Variants in CBFA2T2 observed in about 807,000 individuals in gnomAD.
The protein encoded by CBFA2T2 is protein CBFA2T2.
Under a neutral mutation model 62.2 loss-of-function variants are expected in CBFA2T2, and 11 were observed. The ratio of observed to expected loss-of-function variants is 0.18; its 90% CI spans 0.11 to 0.29. The LOEUF is 0.29. CBFA2T2 is among the 10% of genes least tolerant of loss of function. CBFA2T2 has a pLI of 1.00. For synonymous variants in CBFA2T2, 295 were observed against 287.5 expected (o/e 1.03, Z -0.27); for missense variants, 592 against 774.1 (o/e 0.76, Z 2.79).
At chr20:33,528,485 G>A (rs1299464619) in intron 1 of CBFA2T2, among the ~76,000 whole-genome samples, 1 of 152,140 alleles carries the variant, frequency 6.6e-6, no homozygotes, top group Non-Finnish European at 1.5e-5. Flanking sequence ...ATTGTTTGGT[G>A]GGCTATTTTT....
At chr20:33,533,924 G>A (rs1362322636) in intron 1 of CBFA2T2, among the ~76,000 whole-genome samples, 1 of 152,116 alleles carries the variant, frequency 6.6e-6, no homozygotes, top group Admixed American at 6.6e-5. Context: ...GCATTGAGCC[G>A]AGGTTTCAGT....
chr20:33,568,274 A>G (rs1431352225), intron 1 of CBFA2T2, among the ~76,000 whole-genome samples: 3 of 152,196 alleles, frequency 2.0e-5, no homozygotes, highest in Non-Finnish European at 4.4e-5. Context: ...CCCCAAAAAC[A>G]TTGAAGTCAC....
At chr20:33,502,792 A>G (rs994873050) in intron 1 of CBFA2T2, among the ~76,000 whole-genome samples, 3 of 149,466 alleles carry the variant, frequency 2.0e-5, no homozygotes, top group Admixed American at 6.7e-5. Context: ...AAAATTATTT[A>G]GAAATCAAGA....
At chr20:33,593,063 G>T (rs2014731294) in intron 1 of CBFA2T2, among the ~76,000 whole-genome samples, 1 of 152,150 alleles carries the variant, frequency 6.6e-6, no homozygotes, top group African/African-American at 2.4e-5. Flanking sequence ...AGGCACCCTG[G>T]CTCATGCCTG....
chr20:33,605,921 C>A (rs1203540276), intron 1 of CBFA2T2, among the ~76,000 whole-genome samples: 1 of 151,832 alleles, frequency 6.6e-6, no homozygotes, highest in Non-Finnish European at 1.5e-5. Flanking sequence ...CAGGTTCAAG[C>A]GATTCTCTTG....
chr20:33,568,791 A>T (rs988649290), intron 1 of CBFA2T2, among the ~76,000 whole-genome samples: 8 of 152,148 alleles, frequency 5.3e-5, no homozygotes, highest in African/African-American at 1.9e-4. Context: ...CTATGCAAAG[A>T]AGTAGTAGCC....
intron 1 of CBFA2T2, among the ~76,000 whole-genome samples, chr20:33,509,592 C>G (rs1424991866): frequency 1.3e-5 from 2 of 152,066 alleles, no homozygotes; most frequent in African/African-American, 4.8e-5. Flanking sequence ...ATTTGGGAGG[C>G]CGAGGTGGGT....
At chr20:33,578,714 A>C (rs1011036246) in intron 1 of CBFA2T2, among the ~76,000 whole-genome samples, 1 of 152,234 alleles carries the variant, frequency 6.6e-6, no homozygotes, top group Non-Finnish European at 1.5e-5. Flanking sequence ...TTACTTTGGC[A>C]TAAGGCCCAC....
chr20:33,637,543 T>G (rs2016672560), intron 9 of CBFA2T2, among the ~76,000 whole-genome samples: 2 of 152,224 alleles, frequency 1.3e-5, no homozygotes. Flanking sequence ...AATTAACCCC[T>G]TGTCTTTAAC....
rs1356735566 is a variant in CBFA2T2 at position 33,628,341 on chromosome 20, T to C, written c.947-9T>C. The stretch of plus-strand genomic sequence containing the variant: ...GCTATCTTTGAATTTAATCTGTAAT[T>C]TCTAATAGGTCTAAATGGAGGCTAT... On this transcript the variant is annotated splice_polypyrimidine_tract_variant and intron_variant, in intron 6 of 10. Coordinates refer to ENST00000342704, the MANE Select transcript of CBFA2T2 (RefSeq NM_001032999.3). 1 of 1,597,270 alleles carries C rather than the reference T, an allele frequency of 6.3e-7. No individual in the cohort carries two copies.
Position 33,495,530 on chromosome 20 carries a change from C to T in CBFA2T2, c.34+5229C>T, listed in dbSNP as rs537608988. On this transcript the variant is annotated intron_variant, in intron 1 of 10. Coordinates refer to ENST00000342704, the MANE Select transcript of CBFA2T2 (RefSeq NM_001032999.3). ...GTGAAACCCCGTCCCTACCAAAAAA[C>T]GTACAAAAAAAATCAGCTGGGCGTG... Among the ~76,000 whole-genome samples the T allele has an allele frequency of 9.1e-4, 138 of 151,542 alleles. 1 individual carries two copies. Among genetic ancestry groups the T allele is most frequent in the South Asian group, 2.3e-3 (11 of 4,782 alleles).
intron 1 of CBFA2T2, among the ~76,000 whole-genome samples, chr20:33,536,381 G>C (rs2012234531): frequency 6.6e-6 from 1 of 150,770 alleles, no homozygotes. Context: ...CGGCCGGGCA[G>C]AGGCGCCCCT....
intron 1 of CBFA2T2, among the ~76,000 whole-genome samples, chr20:33,573,469 T>A (rs185973995): frequency 2.6e-5 from 4 of 151,808 alleles, no homozygotes; most frequent in Admixed American, 2.6e-4. Context: ...TGAGTACTAC[T>A]TCTTCTTCTT....
At chr20:33,595,692 C>A (rs547119226) in intron 1 of CBFA2T2, among the ~76,000 whole-genome samples, 1 of 151,976 alleles carries the variant, frequency 6.6e-6, no homozygotes, top group Non-Finnish European at 1.5e-5. Flanking sequence ...GTGTACGCCA[C>A]CACTCCCAGC....
intron 1 of CBFA2T2, among the ~76,000 whole-genome samples, chr20:33,570,108 A>G (rs1450615818): frequency 1.3e-5 from 2 of 152,158 alleles, no homozygotes; most frequent in Non-Finnish European, 2.9e-5. Flanking sequence ...GTGAAGCCCC[A>G]TCTTTACTAA....
intron 1 of CBFA2T2, among the ~76,000 whole-genome samples, chr20:33,539,890 G>A (rs1245121045): frequency 6.6e-6 from 1 of 151,818 alleles, no homozygotes; most frequent in Non-Finnish European, 1.5e-5. Flanking sequence ...TAGAGATGCA[G>A]TCTTGCTATA....
rs1443527693 is a variant in CBFA2T2, at chr20:33,623,215, A to C, written c.611A>C (p.Asn204Thr). 1.2e-6 allele frequency: 2 copies of C among 1,614,138 alleles called. No individual in the cohort carries two copies. The highest frequency in any genetic ancestry group is 1.7e-6 in the Non-Finnish European group (2 of 1,180,060). ...YLAQHEHLLL[N>T]TSIASPADSS... is the part of the protein sequence containing the mutation. ...GCTCAGCACGAACACCTTCTGCTCA[A>C]CACAAGCATTGCATCGCCTGCTGAC... The change falls in exon 5 of 11, where the codon AAC (asparagine) becomes ACC (threonine). Residue 204 changes from asparagine (N) to threonine (T), a missense_variant. By Grantham distance (65) the Asn-to-Thr change is moderately conservative. This residue lies in a region of CBFA2T2 where 449 missense variants were observed against 551.2 expected (regional missense o/e 0.81). Coordinates refer to ENST00000342704, the MANE Select transcript of CBFA2T2 (RefSeq NM_001032999.3).
chr20:33,641,209 T>G (rs112337332), intron 10 of CBFA2T2, among the ~76,000 whole-genome samples: 94 of 152,122 alleles, frequency 6.2e-4, no homozygotes, highest in Non-Finnish European at 1.1e-3. Context: ...ATTTTTTGTA[T>G]TTTTAGTAGA....
intron 1 of CBFA2T2, among the ~76,000 whole-genome samples, chr20:33,511,118 G>A (rs1177415820): frequency 1.3e-5 from 2 of 152,086 alleles, no homozygotes; most frequent in African/African-American, 4.8e-5. Flanking sequence ...TTCTTTTGCT[G>A]TGCAGAAGCT....
Sources: allele counts gnomAD v4.1 joint callset (sites outside exome capture counted in the v4.1 genomes callset), GRCh38; gene constraint gnomAD v4.1.1; regional missense constraint gnomAD v4.1.1; transcripts MANE v1.5; gene names NCBI Gene and HGNC (gene_info 2026-07-23, HGNC 2026-07-21).